TTC6: variants seen among roughly 807,000 people sequenced by gnomAD.
TTC6 encodes the protein tetratricopeptide repeat protein 6.
Under a neutral mutation model 210.4 loss-of-function variants are expected in TTC6, and 172 were observed. The observed-to-expected ratio is 0.82, with a 90% confidence interval of 0.72 to 0.93. TTC6 has a LOEUF of 0.93. Ranked by LOEUF, TTC6 falls within the 40% of genes least tolerant of loss-of-function variation. The pLI, the probability that TTC6 is intolerant of heterozygous loss-of-function variation, is 0.00. For missense variants in TTC6, 2,414 were observed against 2,318.1 expected, an observed-to-expected ratio of 1.04 and a Z score of -0.85; for synonymous variants, 804 against 819.6, an observed-to-expected ratio of 0.98 and a Z score of 0.32.
intron 7 of TTC6, among the ~76,000 whole-genome samples, chr14:37,725,441 C>A (rs964018999): frequency 6.7e-6 from 1 of 149,418 alleles, no homozygotes; most frequent in East Asian, 2.0e-4. Flanking sequence ...ACCTCCGCCC[C>A]CTGGGTTCAA....
intron 7 of TTC6, among the ~76,000 whole-genome samples, chr14:37,729,986 G>A (rs529270543): frequency 1.3e-5 from 2 of 152,192 alleles, no homozygotes; most frequent in African/African-American, 2.4e-5. Context: ...AAAGTAGTCC[G>A]AAAGAAAATC....
At chr14:37,745,540 A>G (rs1208492068) in intron 10 of TTC6, among the ~76,000 whole-genome samples, 1 of 152,146 alleles carries the variant, frequency 6.6e-6, no homozygotes, top group Admixed American at 6.5e-5. Flanking sequence ...TTATTCCGTT[A>G]TTACATGTAT....
intron 7 of TTC6, among the ~76,000 whole-genome samples, chr14:37,726,684 G>C (rs1357434377): frequency 6.6e-6 from 1 of 152,038 alleles, no homozygotes; most frequent in Admixed American, 6.5e-5. Flanking sequence ...TAATGGAAAA[G>C]TTGGAAGAGC....
chr14:37,691,414 T>C (rs1011412752), intron 3 of TTC6, among the ~76,000 whole-genome samples: 1 of 152,076 alleles, frequency 6.6e-6, no homozygotes, highest in African/African-American at 2.4e-5. Context: ...ACTATACACA[T>C]TGAAATTAAA....
chr14:37,681,924 C>A (rs550516100), intron 2 of TTC6, among the ~76,000 whole-genome samples: 1 of 152,198 alleles, frequency 6.6e-6, no homozygotes, highest in East Asian at 1.9e-4. Context: ...ATTCAAATGT[C>A]CCCCACCCTT....
At chr14:37,739,917 A>G (rs1033027022) in intron 10 of TTC6, among the ~76,000 whole-genome samples, 18 of 152,088 alleles carry the variant, frequency 1.2e-4, no homozygotes, top group African/African-American at 4.3e-4. Context: ...TAATCCCAGC[A>G]CTTTGGGAGG....
intron 29 of TTC6, among the ~76,000 whole-genome samples, chr14:37,838,666 C>CT (rs1181442585): frequency 1.3e-5 from 2 of 151,876 alleles, no homozygotes; most frequent in South Asian, 2.1e-4. Context: ...TTTCTTTCTT[C>CT]TTTTTTTTCT....
chr14:37,742,463 G>T (rs770946690), intron 10 of TTC6, among the ~76,000 whole-genome samples: 6 of 151,918 alleles, frequency 3.9e-5, no homozygotes, highest in Admixed American at 1.3e-4. Flanking sequence ...AGACTGGAGT[G>T]CAATGGTGTG....
chr14:37,725,748 A>G (rs991882829), intron 7 of TTC6, among the ~76,000 whole-genome samples: 2 of 152,148 alleles, frequency 1.3e-5, no homozygotes, highest in African/African-American at 2.4e-5. Context: ...TTTTGAAAGA[A>G]TGTTTTATTT....
exon 11 of TTC6, chr14:37,749,135 A>C (rs2095944560): frequency 9.8e-6 from 15 of 1,535,694 alleles, no homozygotes; most frequent in Non-Finnish European, 1.3e-5. Context: ...CAAAGATGCG[A>C]GCATACCTGT....
At chr14:37,761,274 T>C (rs1478176086) in intron 14 of TTC6, among the ~76,000 whole-genome samples, 1 of 151,830 alleles carries the variant, frequency 6.6e-6, no homozygotes, top group Non-Finnish European at 1.5e-5. Flanking sequence ...TCCTTGCACT[T>C]CCCAGGTGAG....
chr14:37,842,349 C>T lies in TTC6; in HGVS notation c.*58C>T. ...ACAGCTGTTCTCTCTGAAACGGAAA[C>T]ATATTTGTTGTCTAAAAGGTTCTAC... On this transcript the variant is annotated 3_prime_UTR_variant, in exon 31 of 31. Transcript: ENST00000553443. 3 of 1,395,326 alleles carry T rather than the reference C, an allele frequency of 2.2e-6. No individual in the cohort carries two copies. The South Asian group carries it at 5.6e-5, about 26-fold the overall frequency. 86.4% of individuals were successfully genotyped at this position (1,395,326 alleles called of 1,614,324 possible).
At chr14:37,796,513 C>A in intron 19 of TTC6, 143 bp downstream of exon 21, 1 of 529,630 alleles carries the variant, frequency 1.9e-6, no homozygotes, top group South Asian at 3.1e-5. Flanking sequence ...TGTACATTGC[C>A]AATTAGTAAA....
At chr14:37,648,666 ATGT>A (rs1165265250) in intron 1 of TTC6, among the ~76,000 whole-genome samples, 2 of 152,074 alleles carry the variant, frequency 1.3e-5, no homozygotes, top group Non-Finnish European at 2.9e-5. Context: ...TTCATCTGTA[ATGT>A]TGTCTGGGCT....
chr14:37,643,976 A>C (rs947983069), intron 1 of TTC6, among the ~76,000 whole-genome samples: 4 of 152,178 alleles, frequency 2.6e-5, no homozygotes, highest in African/African-American at 9.7e-5. Context: ...TTTATGCATG[A>C]CTGTTCTGTT....
chr14:37,807,252 A>C, intron 22 of TTC6, 68 bp from the exon 25 acceptor site: 1 of 1,355,544 alleles, frequency 7.4e-7, no homozygotes. Flanking sequence ...CAAGTAGCAT[A>C]TATTTTGGTA....
chr14:37,689,953 TAAATA>T (rs1222183117), intron 3 of TTC6, among the ~76,000 whole-genome samples: 4 of 152,080 alleles, frequency 2.6e-5, no homozygotes, highest in Non-Finnish European at 4.4e-5. Context: ...TGTGTAAACT[TAAATA>T]GAGAGACTAA....
chr14:37,831,458 A>C (rs1289522361), intron 29 of TTC6, among the ~76,000 whole-genome samples: 1 of 152,132 alleles, frequency 6.6e-6, no homozygotes, highest in Non-Finnish European at 1.5e-5. Flanking sequence ...GAATTGCTGG[A>C]TCATATGATA....
At chr14:37,646,339 C>G (rs1486055553) in intron 1 of TTC6, among the ~76,000 whole-genome samples, 1 of 151,920 alleles carries the variant, frequency 6.6e-6, no homozygotes, top group African/African-American at 2.4e-5. Context: ...AAAACCAAAC[C>G]AAACCAAACC....
Sources: gnomAD v4.1 joint callset for allele counts (sites outside exome capture counted in the v4.1 genomes callset) on GRCh38, gnomAD v4.1.1 for gene constraint, MANE v1.5 for transcripts, NCBI Gene and HGNC (gene_info 2026-07-23, HGNC 2026-07-21) for gene names.